Variants in ST8SIA4 observed in about 807,000 individuals in gnomAD.
ST8SIA4 encodes the protein ST8 alpha-N-acetyl-neuraminide alpha-2,8-sialyltransferase 4.
ST8SIA4 carries 15 observed loss-of-function variants against 33.9 expected under a neutral mutation model. The ratio of observed to expected loss-of-function variants is 0.44; its 90% CI spans 0.30 to 0.68. The LOEUF (loss-of-function observed/expected upper bound fraction) is 0.68. Ranked by LOEUF, ST8SIA4 falls within the 30% of genes least tolerant of loss-of-function variation. The pLI is 0.10. For missense variants in ST8SIA4, 321 were observed against 428.0 expected (o/e 0.75, Z 2.21); for synonymous variants, 171 against 151.2 (o/e 1.13, Z -0.96).
chr5:100,895,888 C>T (rs965641347), intron 1 of ST8SIA4, 103 bp from the exon 2 acceptor site: 28 of 1,255,326 alleles, frequency 2.2e-5, no homozygotes, highest in East Asian at 1.8e-4. Flanking sequence ...ATTTTAGATA[C>T]TTTTTCCCCT....
chr5:100,852,420 C>T (rs1351900791), intron 4 of ST8SIA4, among the ~76,000 whole-genome samples: 1 of 146,442 alleles, frequency 6.8e-6, no homozygotes, highest in Non-Finnish European at 1.5e-5. Context: ...CTGCACTGGG[C>T]CCAAAATTGC....
rs554721643 is a variant in ST8SIA4, at chr5:100,848,745, CA to C, written c.797+7357del. On this transcript the variant is annotated intron_variant, in intron 4 of 4. Transcript: ENST00000231461. ...TAGGTTTTCCACAATTGACATTTATCAAAAAAGTTACGCATTTTTAAAAAAA... is the reference window on the plus strand; with the variant it reads ...TAGGTTTTCCACAATTGACATTTATCAAAAAGTTACGCATTTTTAAAAAAA... Among the ~76,000 whole-genome samples the C allele has an allele frequency of 3.5e-3, 533 of 150,342 alleles. 2 individuals are homozygous for C. The highest frequency in any genetic ancestry group is 0.012 in the African/African-American group (486 of 41,202).
intron 3 of ST8SIA4, among the ~76,000 whole-genome samples, chr5:100,871,989 C>A (rs936734983): frequency 6.6e-6 from 1 of 152,008 alleles, no homozygotes; most frequent in African/African-American, 2.4e-5. Context: ...GGTTTAAATT[C>A]TCTTTATATA....
At position 100,828,751 on chromosome 5, in the gene ST8SIA4, A is replaced by G. The variant is rs1045389488; in HGVS notation, c.798-16622T>C. On this transcript the variant is annotated intron_variant, in intron 4 of 4. Transcript: ENST00000231461. The stretch of plus-strand genomic sequence containing the variant: ...GGATGTGGAAGATCCTTAGTCTTGA[A>G]CAAGCATTGGTTCAAGTCAAAAGAG... 2.0e-5 allele frequency among the ~76,000 whole-genome samples: 3 copies of G among 152,180 alleles called. No individual in the cohort carries two copies. In the East Asian group the frequency reaches 5.8e-4, roughly 29 times the overall value.
chr5:100,836,465 T>C (rs572724498), intron 4 of ST8SIA4, among the ~76,000 whole-genome samples: 22 of 152,054 alleles, frequency 1.4e-4, no homozygotes, highest in African/African-American at 4.6e-4. Flanking sequence ...TGTCATTAGG[T>C]ACGGTAGACT....
intron 4 of ST8SIA4, among the ~76,000 whole-genome samples, chr5:100,851,172 G>T (rs1261632464): frequency 6.6e-6 from 1 of 151,496 alleles, no homozygotes; most frequent in Non-Finnish European, 1.5e-5. Context: ...TGTTGGCCAG[G>T]CTGGTCTCAA....
intron 3 of ST8SIA4, among the ~76,000 whole-genome samples, chr5:100,857,945 G>A (rs962038868): frequency 4.6e-5 from 7 of 151,988 alleles, no homozygotes; most frequent in African/African-American, 1.7e-4. Flanking sequence ...ATATGACAGA[G>A]TATGTATTTG....
chr5:100,829,413 T>C (rs2548278), intron 4 of ST8SIA4, among the ~76,000 whole-genome samples: 87,853 of 152,046 alleles, frequency 0.58, 26,150 homozygotes, highest in South Asian at 0.74. Context: ...ATTACCTAAA[T>C]GCTTTGATAA....
intron 1 of ST8SIA4, 121 bp downstream of exon 1, chr5:100,902,722 T>TA: frequency 1.2e-6 from 1 of 855,856 alleles, no homozygotes; most frequent in South Asian, 1.4e-5. Flanking sequence ...TTCATGACAC[T>TA]AACCACGCGC....
intron 1 of ST8SIA4, chr5:100,900,367 T>G (rs1752877360): frequency 2.2e-6 from 1 of 455,376 alleles, no homozygotes; most frequent in South Asian, 1.5e-5. Flanking sequence ...TCCAGTTTAC[T>G]CAAAACTCAA....
At chr5:100,874,930 T>C (rs771342788) in intron 3 of ST8SIA4, among the ~76,000 whole-genome samples, 1 of 152,162 alleles carries the variant, frequency 6.6e-6, no homozygotes, top group Non-Finnish European at 1.5e-5. Flanking sequence ...TATGTTTACA[T>C]GATATTTAGC....
intron 4 of ST8SIA4, among the ~76,000 whole-genome samples, chr5:100,815,265 A>T (rs1405461652): frequency 6.6e-6 from 1 of 152,048 alleles, no homozygotes; most frequent in African/African-American, 2.4e-5. Context: ...CCACATAAGG[A>T]TAATTACTGC....
chr5:100,817,354 A>G (rs1347038351), intron 4 of ST8SIA4, among the ~76,000 whole-genome samples: 1 of 152,066 alleles, frequency 6.6e-6, no homozygotes, highest in African/African-American at 2.4e-5. Flanking sequence ...AATAGAGACC[A>G]TTTATGATGA....
chr5:100,888,554 G>A (rs1260793168), intron 2 of ST8SIA4, among the ~76,000 whole-genome samples: 3 of 151,874 alleles, frequency 2.0e-5, no homozygotes, highest in Non-Finnish European at 2.9e-5. Flanking sequence ...TAAAAACAAT[G>A]TCATTATTAT....
chr5:100,866,778 G>A lies in ST8SIA4; in HGVS notation c.504-10382C>T, dbSNP rs138611421. On this transcript the variant is annotated intron_variant, in intron 3 of 4. Transcript: ENST00000231461. ...CCAGCCCAAGGTCATTGATTTGTAA[G>A]TGCTAGAGCTGGGGTTCAAAACCAA... 4.3e-3 allele frequency among the ~76,000 whole-genome samples: 654 copies of A among 152,198 alleles called. 4 individuals are homozygous for A. Among genetic ancestry groups the A allele is most frequent in the Non-Finnish European group, 5.6e-3 (380 of 67,958 alleles).
intron 4 of ST8SIA4, among the ~76,000 whole-genome samples, chr5:100,833,860 C>T (rs187584168): frequency 6.6e-6 from 1 of 152,268 alleles, no homozygotes; most frequent in Admixed American, 6.5e-5. Context: ...ACTCCTCACT[C>T]ATCTTGCACT....
chr5:100,832,862 T>G (rs564364629), intron 4 of ST8SIA4, among the ~76,000 whole-genome samples: 1 of 152,232 alleles, frequency 6.6e-6, no homozygotes, highest in South Asian at 2.1e-4. Context: ...TTCATCTACC[T>G]TACTACTCTA....
chr5:100,857,728 G>A (rs763470241), intron 3 of ST8SIA4, among the ~76,000 whole-genome samples: 9 of 151,826 alleles, frequency 5.9e-5, no homozygotes, highest in South Asian at 2.1e-4. Flanking sequence ...CTTATATATC[G>A]TTCCTTATCT....
chr5:100,882,588 C>G (rs1037429666), intron 3 of ST8SIA4, among the ~76,000 whole-genome samples: 1 of 152,206 alleles, frequency 6.6e-6, no homozygotes, highest in Non-Finnish European at 1.5e-5. Flanking sequence ...GGGAAAATGT[C>G]TCCAAGGCAT....
Sources: gnomAD v4.1 joint callset for allele counts (sites outside exome capture counted in the v4.1 genomes callset) on GRCh38, gnomAD v4.1.1 for gene constraint, MANE v1.5 for transcripts, NCBI Gene and HGNC (gene_info 2026-07-23, HGNC 2026-07-21) for gene names.